WSCD2: variants seen among roughly 807,000 people sequenced by gnomAD.
WSCD2 encodes WSC domain sialate O sulfotransferase 2.
In WSCD2, 28 loss-of-function variants were observed where a neutral mutation model predicts 55.7. That is an observed-to-expected ratio of 0.50 (90% CI 0.37 to 0.69). WSCD2 has a LOEUF of 0.69. Ranked by LOEUF, WSCD2 falls within the 30% of genes least tolerant of loss-of-function variation. The pLI is 0.00. For synonymous variants in WSCD2, 301 were observed against 301.9 expected (o/e 1.00, Z 0.03); for missense variants, 616 against 762.1 (o/e 0.81, Z 2.26).
chr12:108,196,400 A>G, intron 2 of WSCD2, 186 bp downstream of exon 2: 1 of 1,015,318 alleles, frequency 9.8e-7, no homozygotes, highest in South Asian at 1.9e-5. Flanking sequence ...CAGAGAGATG[A>G]AGCGGCTTGC....
At chr12:108,228,957 C>T (rs955404589) in intron 6 of WSCD2, among the ~76,000 whole-genome samples, 10 of 152,200 alleles carry the variant, frequency 6.6e-5, no homozygotes, top group African/African-American at 2.4e-4. Context: ...GAAAGTCATA[C>T]ACAGATTAAT....
intron 4 of WSCD2, among the ~76,000 whole-genome samples, chr12:108,216,875 C>T (rs893494263): frequency 2.6e-5 from 4 of 152,226 alleles, no homozygotes; most frequent in Non-Finnish European, 2.9e-5. Flanking sequence ...CCTCACAGGC[C>T]CTAAGGCAGA....
intron 4 of WSCD2, among the ~76,000 whole-genome samples, chr12:108,220,804 T>C (rs1366461414): frequency 2.0e-5 from 3 of 152,182 alleles, no homozygotes; most frequent in Admixed American, 6.5e-5. Context: ...TCCTAAAGTG[T>C]TGGGCTTACA....
At chr12:108,152,567 G>A (rs915546427) in intron 1 of WSCD2, among the ~76,000 whole-genome samples, 11 of 152,168 alleles carry the variant, frequency 7.2e-5, no homozygotes, top group African/African-American at 2.4e-4. Flanking sequence ...CCTCTTGGTG[G>A]CAGAGCCTGC....
chr12:108,164,160 T>TTTTTTTTTTTTTTTTTTTTTTTG (rs1412057706), intron 1 of WSCD2, among the ~76,000 whole-genome samples: 2 of 145,968 alleles, frequency 1.4e-5, no homozygotes, highest in Admixed American at 6.9e-5. Context: ...TTTTTTTTTT[T>TTTTTTTTTTTTTTTTTTTTTTTG]TTCAGAGAGG....
intron 1 of WSCD2, among the ~76,000 whole-genome samples, chr12:108,187,319 A>G (rs1882626854): frequency 6.6e-6 from 1 of 152,202 alleles, no homozygotes; most frequent in African/African-American, 2.4e-5. Flanking sequence ...GCACCAACTC[A>G]TTGAACCTTT....
intron 1 of WSCD2, among the ~76,000 whole-genome samples, chr12:108,138,364 T>G (rs1876439189): frequency 1.3e-5 from 2 of 152,164 alleles, no homozygotes; most frequent in African/African-American, 4.8e-5. Context: ...CTGTTGTGCC[T>G]TAGGAGTGAG....
intron 2 of WSCD2, among the ~76,000 whole-genome samples, chr12:108,203,258 G>A (rs1033502183): frequency 6.6e-6 from 1 of 152,216 alleles, no homozygotes; most frequent in African/African-American, 2.4e-5. Flanking sequence ...TGGCTCTGCT[G>A]GACTGGATTT....
At chr12:108,173,606 C>T (rs114716969) in intron 1 of WSCD2, among the ~76,000 whole-genome samples, 1,556 of 152,028 alleles carry the variant, frequency 0.01, 31 homozygotes, top group African/African-American at 0.035. Flanking sequence ...ACTGATTGCC[C>T]AGTAGATGCT....
In WSCD2 at chr12:108,154,257, C is replaced by CA. The variant is rs151138573; in HGVS notation, c.-552+24332dup. ...AAGGTCAGAAGTACAACATGGGTCT[C>CA]ACCAGGTTGGCATGACTGAGTTCCT... is the stretch of plus-strand genomic sequence containing the variant. On this transcript the variant is annotated intron_variant, in intron 1 of 8. Transcript: ENST00000547525. Among the ~76,000 whole-genome samples, 602 of 152,296 alleles carry CA rather than the reference C, an allele frequency of 4.0e-3. 3 individuals are homozygous for CA. Among genetic ancestry groups the CA allele is most frequent in the African/African-American group, 0.014 (583 of 41,576 alleles).
Position 108,213,272 on chromosome 12 carries a change from G to A in WSCD2, c.682+2967G>A, listed in dbSNP as rs544677309. ...TTTTGTGCAGACCCAATACAAGTAG[G>A]ATTGGTTGAACCACAGACCCAGAGG... is the stretch of plus-strand genomic sequence containing the variant. On this transcript the variant is annotated intron_variant, in intron 4 of 8. Coordinates refer to ENST00000547525, the MANE Select transcript of WSCD2 (RefSeq NM_014653.4). Among the ~76,000 whole-genome samples the A allele has an allele frequency of 3.9e-5, 6 of 152,290 alleles. No homozygotes were observed. The East Asian group carries it at 9.6e-4, about 24-fold the overall frequency.
chr12:108,175,373 G>A (rs911435957), intron 1 of WSCD2, among the ~76,000 whole-genome samples: 2 of 152,202 alleles, frequency 1.3e-5, no homozygotes, highest in Admixed American at 6.5e-5. Flanking sequence ...GACTAAAAGA[G>A]AGGAAGCATG....
At chr12:108,195,016 T>G (rs1014430961) in intron 1 of WSCD2, among the ~76,000 whole-genome samples, 1 of 152,164 alleles carries the variant, frequency 6.6e-6, no homozygotes, top group Non-Finnish European at 1.5e-5. Context: ...TAAGAACCTG[T>G]GCTTGTCCAA....
intron 1 of WSCD2, among the ~76,000 whole-genome samples, chr12:108,177,037 A>C (rs148590676): frequency 1.3e-5 from 2 of 152,076 alleles, no homozygotes; most frequent in Admixed American, 6.5e-5. Flanking sequence ...AGCTGATGTC[A>C]GTAGTTATAA....
intron 1 of WSCD2, among the ~76,000 whole-genome samples, chr12:108,172,566 A>C (rs915972665): frequency 8.0e-4 from 122 of 152,286 alleles, no homozygotes; most frequent in African/African-American, 2.9e-3. Flanking sequence ...TACTAAAGAA[A>C]ACAGAGACAT....
intron 6 of WSCD2, among the ~76,000 whole-genome samples, chr12:108,228,865 G>A (rs1203826538): frequency 6.6e-6 from 1 of 152,176 alleles, no homozygotes; most frequent in East Asian, 1.9e-4. Context: ...TTTACAGTCC[G>A]ATGGGGAAGG....
At chr12:108,147,323 A>G (rs1414716589) in intron 1 of WSCD2, among the ~76,000 whole-genome samples, 1 of 152,132 alleles carries the variant, frequency 6.6e-6, no homozygotes, top group Non-Finnish European at 1.5e-5. Context: ...TGGAAAGGAG[A>G]CGAAGACTGG....
chr12:108,228,071 G>A (rs1888337641), intron 6 of WSCD2, among the ~76,000 whole-genome samples: 1 of 152,030 alleles, frequency 6.6e-6, no homozygotes, highest in African/African-American at 2.4e-5. Context: ...GGAGGGGATT[G>A]AGACTCAGAA....
At chr12:108,206,812 G>A (rs1031455145) in intron 3 of WSCD2, among the ~76,000 whole-genome samples, 2 of 152,212 alleles carry the variant, frequency 1.3e-5, no homozygotes, top group Non-Finnish European at 2.9e-5. Context: ...GTGTCTGATT[G>A]CATTTGTTGA....
Sources: allele counts gnomAD v4.1 joint callset (sites outside exome capture counted in the v4.1 genomes callset), GRCh38; gene constraint gnomAD v4.1.1; transcripts MANE v1.5; gene names NCBI Gene and HGNC (gene_info 2026-07-23, HGNC 2026-07-21).